The following KIAA1217 variants were observed in gnomAD, a reference collection of about 807,000 sequenced individuals.
KIAA1217 encodes KIAA1217, also known as sickle tail protein homolog.
In KIAA1217, 88 loss-of-function variants were observed where a neutral mutation model predicts 163.9. The ratio of observed to expected loss-of-function variants is 0.54; its 90% CI spans 0.45 to 0.64. KIAA1217 has a LOEUF of 0.64. Among genes scored for constraint, KIAA1217 ranks in the 30% least tolerant of loss-of-function variants. The pLI is 0.00. For missense variants in KIAA1217, 2,372 were observed against 2,475.0 expected, an observed-to-expected ratio of 0.96 and a Z score of 0.88; for synonymous variants, 903 against 923.1, an observed-to-expected ratio of 0.98 and a Z score of 0.39.
At chr10:24,537,119 T>G (rs2074132764) in intron 17 of KIAA1217, among the ~76,000 whole-genome samples, 1 of 152,134 alleles carries the variant, frequency 6.6e-6, no homozygotes, top group South Asian at 2.1e-4. Flanking sequence ...TATGCAGAAT[T>G]TAGACACTAT....
chr10:23,926,407 C>A (rs547997946), intron 1 of KIAA1217, among the ~76,000 whole-genome samples: 8 of 152,228 alleles, frequency 5.3e-5, no homozygotes, highest in African/African-American at 1.9e-4. Flanking sequence ...GTCAATATTT[C>A]CATATGAGAT....
chr10:24,360,040 C>CATTTTTTTTTTTTTTTT (rs55881849), intron 2 of KIAA1217, among the ~76,000 whole-genome samples: 1 of 94,282 alleles, frequency 1.1e-5, no homozygotes, highest in Non-Finnish European at 1.9e-5. Flanking sequence ...GATATAATTA[C>CATTTTTTTTTTTTTTTT]TTTTTTTTTT....
intron 2 of KIAA1217, among the ~76,000 whole-genome samples, chr10:24,294,092 T>G (rs1196147256): frequency 7.2e-6 from 1 of 138,496 alleles, no homozygotes; most frequent in Non-Finnish European, 1.5e-5. Context: ...CTGGGGAGGC[T>G]GAGGCGAATG....
chr10:24,263,020 G>A (rs879495936), intron 2 of KIAA1217, among the ~76,000 whole-genome samples: 7 of 151,882 alleles, frequency 4.6e-5, no homozygotes, highest in Non-Finnish European at 8.8e-5. Context: ...GTCCACTCAC[G>A]TATAAAAATA....
intron 1 of KIAA1217, among the ~76,000 whole-genome samples, chr10:23,921,219 A>G (rs1842837696): frequency 6.6e-6 from 1 of 152,162 alleles, no homozygotes; most frequent in Non-Finnish European, 1.5e-5. Flanking sequence ...TGAAGTGCAT[A>G]TGTTGGGATT....
intron 2 of KIAA1217, among the ~76,000 whole-genome samples, chr10:24,237,425 C>G (rs1375148030): frequency 1.3e-5 from 2 of 152,218 alleles, no homozygotes; most frequent in African/African-American, 4.8e-5. Context: ...CATCTGAATT[C>G]TTTCTGGACT....
chr10:24,479,496 C>T (rs774754822), intron 6 of KIAA1217, among the ~76,000 whole-genome samples: 1 of 151,766 alleles, frequency 6.6e-6, no homozygotes, highest in Admixed American at 6.6e-5. Context: ...TAAGTAGTTA[C>T]AGTTAGCATC....
intron 2 of KIAA1217, among the ~76,000 whole-genome samples, chr10:24,194,691 C>A (rs1239126536): frequency 1.3e-5 from 2 of 151,590 alleles, no homozygotes; most frequent in Non-Finnish European, 2.9e-5. Flanking sequence ...TCAAGCGATC[C>A]TCCTGCCTCA....
chr10:23,955,416 C>T (rs1844516780), intron 1 of KIAA1217, among the ~76,000 whole-genome samples: 1 of 152,242 alleles, frequency 6.6e-6, no homozygotes, highest in Non-Finnish European at 1.5e-5. Context: ...AACTTGGGAA[C>T]CATGGAGCAT....
intron 2 of KIAA1217, among the ~76,000 whole-genome samples, chr10:24,355,728 CTTTTTTTTTTTTTTTTTTTTTT>C (rs869211148): frequency 1.6e-4 from 5 of 32,170 alleles, no homozygotes; most frequent in Non-Finnish European, 2.1e-4. Flanking sequence ...AGTCCTCACT[CTTTTTTTTTTTTTTTTTTTTTT>C]TTTTTTTTTT....
chr10:24,404,784 T>C (rs1028877177), intron 3 of KIAA1217, among the ~76,000 whole-genome samples: 4 of 152,118 alleles, frequency 2.6e-5, no homozygotes, highest in African/African-American at 9.7e-5. Flanking sequence ...GATACATGCA[T>C]ACCATGGAAT....
intron 5 of KIAA1217, among the ~76,000 whole-genome samples, chr10:24,469,775 C>T (rs941826544): frequency 1.3e-5 from 2 of 152,006 alleles, no homozygotes; most frequent in African/African-American, 4.8e-5. Context: ...CCATGCCCAG[C>T]TAATTTTTGT....
chr10:24,494,902 T>TG (rs2066592605), intron 7 of KIAA1217: 1 of 580,272 alleles, frequency 1.7e-6, no homozygotes, highest in African/African-American at 1.9e-5. Flanking sequence ...CCACCACCCT[T>TG]GCGTGTCCAC....
intron 2 of KIAA1217, among the ~76,000 whole-genome samples, chr10:24,306,341 A>T (rs950148937): frequency 6.6e-6 from 1 of 152,200 alleles, no homozygotes; most frequent in African/African-American, 2.4e-5. Context: ...TCCTAATATT[A>T]TGCAACACTT....
intron 1 of KIAA1217, among the ~76,000 whole-genome samples, chr10:23,852,009 T>C (rs916104487): frequency 6.6e-6 from 1 of 152,212 alleles, no homozygotes; most frequent in Non-Finnish European, 1.5e-5. Context: ...GCAGAAGCTC[T>C]TTCATTTAAT....
At chr10:23,987,395 C>T (rs1589191496) in intron 1 of KIAA1217, among the ~76,000 whole-genome samples, 1 of 119,288 alleles carries the variant, frequency 8.4e-6, no homozygotes, top group Non-Finnish European at 1.9e-5. Context: ...AAAAAAAAGC[C>T]ACCCTTCTTA....
intron 1 of KIAA1217, among the ~76,000 whole-genome samples, chr10:23,889,989 G>A (rs1841353335): frequency 2.0e-5 from 3 of 151,738 alleles, no homozygotes; most frequent in Admixed American, 6.6e-5. Context: ...TAGTGTAGGA[G>A]CATTTTATCC....
At chr10:24,345,640 A>G (rs1295177397) in intron 2 of KIAA1217, among the ~76,000 whole-genome samples, 1 of 152,222 alleles carries the variant, frequency 6.6e-6, no homozygotes, top group Admixed American at 6.5e-5. Context: ...TGCAACACAA[A>G]TAAGAAGCTT....
At position 23,790,397 on chromosome 10, in the gene KIAA1217, A is replaced by G. The variant is rs192139314; in HGVS notation, c.-321+95163A>G. Among the ~76,000 whole-genome samples, 10 of 104,342 alleles carry G rather than the reference A, an allele frequency of 9.6e-5. 2 individuals are homozygous for G. The Admixed American group carries it at 9.9e-4, about 10-fold the overall frequency. 68.5% of individuals were successfully genotyped at this position (104,342 alleles called of 152,430 possible). On this transcript the variant is annotated intron_variant, in intron 1 of 18. Coordinates refer to the KIAA1217 transcript ENST00000376462. ...CATATGTATATATACATATGTATAT[A>G]TACATATATACATATACATATATAC...
Sources: gnomAD v4.1 joint callset for allele counts (sites outside exome capture counted in the v4.1 genomes callset) on GRCh38, gnomAD v4.1.1 for gene constraint, MANE v1.5 for transcripts, NCBI Gene and HGNC (gene_info 2026-07-23, HGNC 2026-07-21) for gene names.